Variants in ZFHX3 observed in about 807,000 individuals in gnomAD.
The protein encoded by ZFHX3 is zinc finger homeobox protein 3.
ZFHX3 carries 42 observed loss-of-function variants against 279.1 expected under a neutral mutation model. That is an observed-to-expected ratio of 0.15 (90% confidence interval 0.12 to 0.19). The LOEUF (loss-of-function observed/expected upper bound fraction) is 0.19, where lower values mean the gene tolerates loss of function less well. ZFHX3 is among the 10% of genes least tolerant of loss of function. The pLI is 1.00. For missense variants in ZFHX3, 4,981 were observed against 4,754.0 expected (o/e 1.05, Z -1.40); for synonymous variants, 2,293 against 1,957.8 (o/e 1.17, Z -4.52).
intron 3 of ZFHX3, among the ~76,000 whole-genome samples, chr16:73,326,411 G>C (rs2015690006): frequency 6.6e-6 from 1 of 152,170 alleles, no homozygotes; most frequent in Admixed American, 6.5e-5. Flanking sequence ...GGGTGCTCAT[G>C]AGTTTTAAAA....
intron 1 of ZFHX3, among the ~76,000 whole-genome samples, chr16:73,800,716 G>A (rs1478768154): frequency 2.0e-5 from 3 of 152,080 alleles, no homozygotes; most frequent in Non-Finnish European, 4.4e-5. Flanking sequence ...CTGTGGTCGT[G>A]TCATCCTTTT....
At chr16:73,065,660 A>G (rs1331085416) in intron 8 of ZFHX3, among the ~76,000 whole-genome samples, 1 of 151,580 alleles carries the variant, frequency 6.6e-6, no homozygotes, top group East Asian at 1.9e-4. Context: ...AGAGATTCCC[A>G]GTCCTCGTCC....
rs566374381 is a variant in ZFHX3, at chr16:72,880,492, C to T, written c.3448+9239G>A. On this transcript the variant is annotated intron_variant, in intron 4 of 9. Coordinates refer to ENST00000268489, the MANE Select transcript of ZFHX3 (RefSeq NM_006885.4). ...ACCAGGCTATATGAGACCAAGGCCT[C>T]GGGAGAAGCCAAAACTGCCGGCACC... Among the ~76,000 whole-genome samples, 5 of 152,160 alleles carry T rather than the reference C, an allele frequency of 3.3e-5. No individual in the cohort carries two copies. In the South Asian group the frequency reaches 6.2e-4, roughly 19 times the overall value.
chr16:73,526,812 A>T (rs2143718145), intron 2 of ZFHX3, among the ~76,000 whole-genome samples: 1 of 152,130 alleles, frequency 6.6e-6, no homozygotes, highest in Non-Finnish European at 1.5e-5. Flanking sequence ...GAGATTTGGC[A>T]ATAGCAGTGG....
At chr16:72,907,545 T>TGTG (rs2039208549) in intron 3 of ZFHX3, among the ~76,000 whole-genome samples, 12 of 120,478 alleles carry the variant, frequency 1.0e-4, no homozygotes, top group South Asian at 3.3e-4. Context: ...TTTCCTCTAT[T>TGTG]TGTGTGTGTG....
At chr16:73,390,770 T>C (rs1412814909) in intron 3 of ZFHX3, among the ~76,000 whole-genome samples, 1 of 151,984 alleles carries the variant, frequency 6.6e-6, no homozygotes, top group African/African-American at 2.4e-5. Flanking sequence ...AGATCTTTCT[T>C]ATTATTTAAA....
chr16:72,988,888 C>T (rs898667839), intron 1 of ZFHX3, among the ~76,000 whole-genome samples: 28 of 152,260 alleles, frequency 1.8e-4, no homozygotes, highest in African/African-American at 6.3e-4. Flanking sequence ...AAATAAACTA[C>T]GGTACTGGCT....
intron 8 of ZFHX3, chr16:73,092,627 C>G (rs1403441961): frequency 4.0e-6 from 1 of 252,530 alleles, no homozygotes; most frequent in East Asian, 1.1e-4. Context: ...TTCATAGAAT[C>G]AAGCCGAGCG....
At chr16:73,329,281 G>A (rs2015752919) in intron 3 of ZFHX3, among the ~76,000 whole-genome samples, 1 of 152,226 alleles carries the variant, frequency 6.6e-6, no homozygotes, top group African/African-American at 2.4e-5. Context: ...GGGGAGCACG[G>A]GGGAGGGATC....
chr16:73,229,532 T>A (rs987358916), intron 5 of ZFHX3, among the ~76,000 whole-genome samples: 1 of 152,164 alleles, frequency 6.6e-6, no homozygotes, highest in Admixed American at 6.5e-5. Flanking sequence ...TAATCTCAAT[T>A]AAGGTCTGCT....
chr16:72,904,690 C>T (rs2039126315), intron 3 of ZFHX3, among the ~76,000 whole-genome samples: 1 of 152,140 alleles, frequency 6.6e-6, no homozygotes, highest in African/African-American at 2.4e-5. Flanking sequence ...TGAAATGCCT[C>T]ACATCTCCTA....
In ZFHX3 at chr16:72,835,627, G is replaced by A. The variant is rs139554685; in HGVS notation, c.3449-5768C>T. Among the ~76,000 whole-genome samples the A allele has an allele frequency of 4.6e-3, 706 of 152,074 alleles. 2 individuals are homozygous for A. Among genetic ancestry groups the A allele is most frequent in the Non-Finnish European group, 7.9e-3 (538 of 68,002 alleles). On this transcript the variant is annotated intron_variant, in intron 4 of 9. Coordinates refer to ENST00000268489, the MANE Select transcript of ZFHX3 (RefSeq NM_006885.4). ...CCACTGAAGCAGGTGGGAAAGGCGG[G>A]GTACACTCTGACCATCAAGACTGAC...
intron 1 of ZFHX3, among the ~76,000 whole-genome samples, chr16:73,755,853 A>T (rs1221842464): frequency 6.6e-6 from 1 of 152,248 alleles, no homozygotes; most frequent in African/African-American, 2.4e-5. Flanking sequence ...TACTTGGAGC[A>T]GACAAGCTTC....
chr16:72,849,585 T>A (rs978187408), intron 4 of ZFHX3, among the ~76,000 whole-genome samples: 43 of 152,198 alleles, frequency 2.8e-4, no homozygotes, highest in Admixed American at 6.5e-4. Flanking sequence ...GGTTTATGGA[T>A]AACATTAATT....
At chr16:72,896,107 A>G (rs2038893070) in intron 3 of ZFHX3, among the ~76,000 whole-genome samples, 1 of 152,182 alleles carries the variant, frequency 6.6e-6, no homozygotes, top group African/African-American at 2.4e-5. Context: ...AAGTCCTCCA[A>G]ATGCTGTGCA....
chr16:73,773,366 C>T (rs1237120421), intron 1 of ZFHX3, among the ~76,000 whole-genome samples: 1 of 152,170 alleles, frequency 6.6e-6, no homozygotes, highest in African/African-American at 2.4e-5. Flanking sequence ...GCTACATTTT[C>T]CATTATCATC....
intron 4 of ZFHX3, among the ~76,000 whole-genome samples, chr16:72,886,338 G>C (rs2038620439): frequency 6.6e-6 from 1 of 151,870 alleles, no homozygotes. Flanking sequence ...AAAGCATCTT[G>C]ACATACGGAA....
At chr16:73,607,362 T>A (rs908218701) in intron 2 of ZFHX3, among the ~76,000 whole-genome samples, 1 of 152,240 alleles carries the variant, frequency 6.6e-6, no homozygotes, top group Non-Finnish European at 1.5e-5. Context: ...TAGTATTCCA[T>A]GCTGTATATG....
chr16:73,337,651 A>C (rs1025549597), intron 3 of ZFHX3, among the ~76,000 whole-genome samples: 6 of 151,958 alleles, frequency 3.9e-5, no homozygotes, highest in Admixed American at 2.6e-4. Context: ...TTCAGTATCC[A>C]TAGACAATCC....
Sources: allele counts gnomAD v4.1 joint callset (sites outside exome capture counted in the v4.1 genomes callset), GRCh38; gene constraint gnomAD v4.1.1; transcripts MANE v1.5; gene names NCBI Gene and HGNC (gene_info 2026-07-23, HGNC 2026-07-21).